Variants in RAB10 observed in about 807,000 individuals in gnomAD.
RAB10 encodes RAB10, member RAS oncogene family.
RAB10 carries 5 observed loss-of-function variants against 25.7 expected under a neutral mutation model. That is an observed-to-expected ratio of 0.19 (90% CI 0.10 to 0.41). RAB10 has a LOEUF of 0.41. Ranked by LOEUF, RAB10 falls within the 10% of genes least tolerant of loss-of-function variation. RAB10 has a pLI of 1.00. For missense variants in RAB10, 103 were observed against 245.8 expected, an observed-to-expected ratio of 0.42 and a Z score of 3.89; for synonymous variants, 89 against 86.4, an observed-to-expected ratio of 1.03 and a Z score of -0.16.
At chr2:26,046,445 AG>A (rs1271702558) in intron 1 of RAB10, among the ~76,000 whole-genome samples, 26 of 152,228 alleles carry the variant, frequency 1.7e-4, no homozygotes. Flanking sequence ...AAGACAGTGC[AG>A]TGTATTTTGG....
intron 1 of RAB10, among the ~76,000 whole-genome samples, chr2:26,074,544 G>A (rs958690969): frequency 3.9e-5 from 6 of 152,188 alleles, no homozygotes; most frequent in Admixed American, 1.3e-4. Flanking sequence ...TCAGCCTCCC[G>A]AGTAGCTGGG....
intron 3 of RAB10, among the ~76,000 whole-genome samples, chr2:26,111,660 T>A (rs1170552031): frequency 6.6e-6 from 1 of 152,126 alleles, no homozygotes; most frequent in Admixed American, 6.6e-5. Flanking sequence ...TTTGATTTCC[T>A]TATTCTTTAT....
At chr2:26,048,037 G>GTTT (rs61183627) in intron 1 of RAB10, among the ~76,000 whole-genome samples, 7 of 134,666 alleles carry the variant, frequency 5.2e-5, no homozygotes, top group South Asian at 2.5e-4. Context: ...GGGCCCATTA[G>GTTT]TTTTTTTTTT....
intron 1 of RAB10, among the ~76,000 whole-genome samples, chr2:26,097,905 G>C (rs1400488920): frequency 6.6e-6 from 1 of 152,032 alleles, no homozygotes; most frequent in Non-Finnish European, 1.5e-5. Context: ...CCTTCCTGAA[G>C]AATAGACTGC....
At chr2:26,117,765 A>C (rs917368824) in intron 3 of RAB10, among the ~76,000 whole-genome samples, 10 of 152,218 alleles carry the variant, frequency 6.6e-5, no homozygotes, top group Non-Finnish European at 1.0e-4. Context: ...GAAGTTACCC[A>C]GATAAAGATG....
intron 1 of RAB10, among the ~76,000 whole-genome samples, chr2:26,039,028 T>C (rs1665828404): frequency 6.6e-6 from 1 of 150,934 alleles, no homozygotes; most frequent in African/African-American, 2.4e-5. Flanking sequence ...TTTTTTTTTT[T>C]TTTTTTTAAG....
intron 1 of RAB10, among the ~76,000 whole-genome samples, chr2:26,083,683 A>C (rs547924648): frequency 3.5e-4 from 53 of 151,966 alleles, no homozygotes; most frequent in Non-Finnish European, 5.6e-4. Context: ...ACACTGGGCT[A>C]ATTTTTTGTA....
At chr2:26,084,271 A>G (rs12471809) in intron 1 of RAB10, among the ~76,000 whole-genome samples, 117,177 of 152,124 alleles carry the variant, frequency 0.77, 45,170 homozygotes, top group East Asian at 0.87. Flanking sequence ...TATTACTAAC[A>G]TCAGAGATTT....
chr2:26,114,345 C>T (rs1667639590), intron 3 of RAB10, among the ~76,000 whole-genome samples: 1 of 151,940 alleles, frequency 6.6e-6, no homozygotes. Flanking sequence ...AAAACTTAAC[C>T]GCAAAGCCAC....
chr2:26,087,591 C>T (rs565876884), intron 1 of RAB10, among the ~76,000 whole-genome samples: 210 of 152,236 alleles, frequency 1.4e-3, no homozygotes, highest in African/African-American at 3.5e-3. Flanking sequence ...TTAGTAGAGA[C>T]GGGGTTTCAC....
chr2:26,088,510 G>C (rs1667032506), intron 1 of RAB10, among the ~76,000 whole-genome samples: 1 of 152,152 alleles, frequency 6.6e-6, no homozygotes, highest in Admixed American at 6.5e-5. Context: ...ATTTCAGAGG[G>C]TGGTAGGCTT....
chr2:26,088,018 C>A (rs186299944), intron 1 of RAB10, among the ~76,000 whole-genome samples: 1 of 152,158 alleles, frequency 6.6e-6, no homozygotes, highest in African/African-American at 2.4e-5. Flanking sequence ...AATGCCTAAG[C>A]GGCATTCAAA....
chr2:26,113,084 CAAAA>C (rs1233053675), intron 3 of RAB10, among the ~76,000 whole-genome samples: 2 of 151,814 alleles, frequency 1.3e-5, no homozygotes, highest in Admixed American at 6.6e-5. Context: ...AACTCCGTCT[CAAAA>C]AGAAAGAAAG....
At chr2:26,120,305 G>A (rs1667777315) in intron 3 of RAB10, among the ~76,000 whole-genome samples, 1 of 152,084 alleles carries the variant, frequency 6.6e-6, no homozygotes, top group Admixed American at 6.5e-5. Flanking sequence ...GTACTTCTTT[G>A]GGATCATGGA....
chr2:26,110,580 T>C (rs1349792113), intron 3 of RAB10, among the ~76,000 whole-genome samples: 1 of 152,216 alleles, frequency 6.6e-6, no homozygotes, highest in African/African-American at 2.4e-5. Flanking sequence ...TTTTTAAAAC[T>C]TTATTTTTCA....
At position 26,084,111 on chromosome 2, in the gene RAB10, T is replaced by C. The variant is rs553030239; in HGVS notation, c.128-14551T>C. ...TTGCATGTCAAATCCATTGTACTTG[T>C]TATTTTCTCTGCCTGGAACACTCTC... On this transcript the variant is annotated intron_variant, in intron 1 of 5. Coordinates refer to ENST00000264710, the MANE Select transcript of RAB10 (RefSeq NM_016131.5). Among the ~76,000 whole-genome samples the C allele has an allele frequency of 4.3e-4, 65 of 152,314 alleles. 2 individuals are homozygous for C. The South Asian group carries it at 0.013, about 30-fold the overall frequency.
At chr2:26,093,961 T>C (rs748019481) in intron 1 of RAB10, among the ~76,000 whole-genome samples, 1 of 152,072 alleles carries the variant, frequency 6.6e-6, no homozygotes, top group Non-Finnish European at 1.5e-5. Context: ...AGTGGCATGA[T>C]CACAGCTCAC....
At chr2:26,134,588 C>A (rs1668071100) in intron 5 of RAB10, among the ~76,000 whole-genome samples, 1 of 152,192 alleles carries the variant, frequency 6.6e-6, no homozygotes, top group African/African-American at 2.4e-5. Context: ...ATACCTAACA[C>A]TGGTTTCATA....
At chr2:26,075,831 T>A (rs1447500058) in intron 1 of RAB10, among the ~76,000 whole-genome samples, 2 of 151,960 alleles carry the variant, frequency 1.3e-5, no homozygotes, top group Non-Finnish European at 2.9e-5. Context: ...CTTACAAATG[T>A]CCTTAAAAGG....
Sources: allele counts gnomAD v4.1 joint callset (sites outside exome capture counted in the v4.1 genomes callset), GRCh38; gene constraint gnomAD v4.1.1; transcripts MANE v1.5; gene names NCBI Gene and HGNC (gene_info 2026-07-23, HGNC 2026-07-21).